Variants in GSE1 observed in about 807,000 individuals in gnomAD.
The protein encoded by GSE1 is Gse1 coiled-coil protein.
GSE1 carries 32 observed loss-of-function variants against 112.6 expected under a neutral mutation model. The ratio of observed to expected loss-of-function variants is 0.28; its 90% CI spans 0.21 to 0.38. The LOEUF (loss-of-function observed/expected upper bound fraction) is 0.38, where lower values mean the gene tolerates loss of function less well. GSE1 is among the 10% of genes least tolerant of loss of function. The pLI, the probability that GSE1 is intolerant of heterozygous loss-of-function variation, is 1.00. For missense variants in GSE1, 2,348 were observed against 1,699.2 expected, an observed-to-expected ratio of 1.38 and a Z score of -6.71; for synonymous variants, 1,115 against 735.6, an observed-to-expected ratio of 1.52 and a Z score of -8.35.
intron 2 of GSE1, among the ~76,000 whole-genome samples, chr16:85,420,460 G>A (rs906133596): frequency 1.2e-4 from 18 of 152,020 alleles, no homozygotes; most frequent in African/African-American, 1.7e-4. Context: ...CCTCCCCATC[G>A]CCATGTCTCC....
intron 3 of GSE1, among the ~76,000 whole-genome samples, chr16:85,652,380 C>T (rs189454715): frequency 3.7e-4 from 57 of 152,326 alleles, no homozygotes; most frequent in Non-Finnish European, 1.0e-4. Flanking sequence ...AGGAAGTTCC[C>T]GGCCCCACGC....
At chr16:85,646,848 GGAGCTGCTCTGGT>G (rs1460807804) in intron 2 of GSE1, among the ~76,000 whole-genome samples, 2 of 151,764 alleles carry the variant, frequency 1.3e-5, no homozygotes, top group African/African-American at 4.8e-5. Flanking sequence ...CAGCCTCTGG[GGAGCTGCTCTGGT>G]CTCGGTCACG....
chr16:85,626,962 G>T (rs2049121634), intron 1 of GSE1, among the ~76,000 whole-genome samples: 1 of 148,412 alleles, frequency 6.7e-6, no homozygotes, highest in Non-Finnish European at 1.5e-5. Flanking sequence ...CTAAGAACGA[G>T]ATGGGTTCCG....
At chr16:85,335,207 C>T (rs1311381942) in intron 1 of GSE1, among the ~76,000 whole-genome samples, 3 of 152,250 alleles carry the variant, frequency 2.0e-5, no homozygotes, top group Admixed American at 6.5e-5. Context: ...TCTCTCCCTA[C>T]ACCCATCCCG....
intron 2 of GSE1, among the ~76,000 whole-genome samples, chr16:85,418,327 C>G (rs747693331): frequency 2.0e-5 from 3 of 152,198 alleles, no homozygotes; most frequent in Non-Finnish European, 4.4e-5. Context: ...GGCATGGGAC[C>G]CCAGGGTCGC....
chr16:85,501,108 C>G (rs963255552), intron 2 of GSE1, among the ~76,000 whole-genome samples: 1 of 139,212 alleles, frequency 7.2e-6, no homozygotes, highest in Non-Finnish European at 1.5e-5. Flanking sequence ...GCACACCATT[C>G]TCCTGCCTCA....
chr16:85,289,187 C>G (rs1451021982), intron 1 of GSE1, among the ~76,000 whole-genome samples: 1 of 152,194 alleles, frequency 6.6e-6, no homozygotes, highest in East Asian at 1.9e-4. Context: ...TACAAACAGG[C>G]ATGACCTGCT....
At chr16:85,272,901 C>T (rs1363947795) in intron 1 of GSE1, among the ~76,000 whole-genome samples, 3 of 151,992 alleles carry the variant, frequency 2.0e-5, no homozygotes, top group East Asian at 1.9e-4. Flanking sequence ...CACAGCCTCC[C>T]GAGTAGCTGG....
chr16:85,209,454 T>C (rs998625360), intron 1 of GSE1, among the ~76,000 whole-genome samples: 1 of 152,160 alleles, frequency 6.6e-6, no homozygotes, highest in Non-Finnish European at 1.5e-5. Context: ...CTTGAAGTCT[T>C]CTGCATCTCT....
chr16:85,273,526 C>T (rs1299814030), intron 1 of GSE1, among the ~76,000 whole-genome samples: 2 of 150,546 alleles, frequency 1.3e-5, no homozygotes, highest in African/African-American at 4.9e-5. Context: ...ACCATGAAAA[C>T]GTGACGCTGA....
At chr16:85,667,876 T>C (rs545835322) in intron 13 of GSE1, among the ~76,000 whole-genome samples, 9 of 148,000 alleles carry the variant, frequency 6.1e-5, no homozygotes, top group Admixed American at 4.7e-4. Context: ...AAATGGAGTC[T>C]CAGAGATGAA....
intron 1 of GSE1, among the ~76,000 whole-genome samples, chr16:85,175,052 TTGTTCCC>T (rs2074433501): frequency 7.5e-5 from 2 of 26,626 alleles, no homozygotes; most frequent in South Asian, 2.7e-3. Flanking sequence ...GACTCCTCAG[TTGTTCCC>T]TATTGTTCCC....
rs374646695 is a variant in GSE1 at position 85,420,859 on chromosome 16, G to A, written c.2464+63216G>A. Among the ~76,000 whole-genome samples the A allele has an allele frequency of 7.2e-4, 109 of 152,274 alleles. No homozygotes were observed. In the South Asian group the frequency reaches 0.012, roughly 17 times the overall value. On this transcript the variant is annotated intron_variant, in intron 2 of 2. Coordinates refer to the GSE1 transcript ENST00000637419. ...GCAGCCTGGAGCTGCAGTGCCGCGGGCCTCCACACGGGGGCGCCCCTACCG... is the reference window on the plus strand; with the variant it reads ...GCAGCCTGGAGCTGCAGTGCCGCGGACCTCCACACGGGGGCGCCCCTACCG...
At position 85,672,510 on chromosome 16, in the gene GSE1, A is replaced by G. The variant is rs754549594; in HGVS notation, c.3625A>G (p.Arg1209Gly). 3.7e-6 allele frequency: 6 copies of G among 1,611,478 alleles called. No individual in the cohort carries two copies. The highest frequency in any genetic ancestry group is 3.4e-6 in the Non-Finnish European group (4 of 1,177,820). ...TGCCTTGCCTGCAATGCACTGGCCTAGGGGCTACCTGAAGGGATATCCCAG... is the reference window on the plus strand; with the variant it reads ...TGCCTTGCCTGCAATGCACTGGCCTGGGGGCTACCTGAAGGGATATCCCAG... ...CLALPAMHWPRGYLKGYPR is the reference protein window; with the variant it reads ...CLALPAMHWPGGYLKGYPR Residue 1209 changes from arginine to glycine, a missense_variant, in exon 16 of 16, where the codon AGG (arginine) becomes GGG (glycine). Coordinates refer to ENST00000253458, the MANE Select transcript of GSE1 (RefSeq NM_014615.5).
chr16:85,654,246 T>C, intron 3 of GSE1, 32 bp from the exon 4 acceptor site: 1 of 1,562,548 alleles, frequency 6.4e-7, no homozygotes, highest in Non-Finnish European at 8.7e-7. Context: ...TATACCAGGC[T>C]CCTGCCCTGA....
At position 85,305,292 on chromosome 16, in the gene GSE1, G is replaced by T. The variant is rs532205055; in HGVS notation, c.2284-52171G>T. The stretch of plus-strand genomic sequence containing the variant: ...CCCTGGGCATCAGGATGATGATGAT[G>T]ATTATTATTATTTGGAGGTGGGGTC... On this transcript the variant is annotated intron_variant, in intron 1 of 2. Transcript: ENST00000637419. Among the ~76,000 whole-genome samples, 227 of 152,252 alleles carry T rather than the reference G, an allele frequency of 1.5e-3. 1 individual carries two copies. The highest frequency in any genetic ancestry group is 2.9e-3 in the South Asian group (14 of 4,820).
chr16:85,257,349 G>A (rs1416702406), intron 1 of GSE1, among the ~76,000 whole-genome samples: 3 of 152,152 alleles, frequency 2.0e-5, no homozygotes, highest in African/African-American at 7.2e-5. Flanking sequence ...AACCTCAGGT[G>A]ATCCTCCTGC....
chr16:85,192,673 G>T (rs928562047), intron 1 of GSE1, among the ~76,000 whole-genome samples: 4 of 152,322 alleles, frequency 2.6e-5, no homozygotes, highest in Non-Finnish European at 4.4e-5. Context: ...GCACTGGGGA[G>T]CCTGGAGGCC....
chr16:85,591,292 TTAACTC>T lies in GSE1; in HGVS notation c.37+34932_37+34937del, dbSNP rs957542173. Among the ~76,000 whole-genome samples, 43 of 152,304 alleles carry T rather than the reference TTAACTC, an allele frequency of 2.8e-4. No individual in the cohort carries two copies. In the East Asian group the frequency reaches 5.6e-3, roughly 20 times the overall value. ...TGGAGGTACCCAGGAGTTTAATTGT[TTAACTC>T]TAGTTTCCCCTCCAGTTGCTACCCT... On this transcript the variant is annotated intron_variant, in intron 1 of 2. Transcript: ENST00000635906.
Sources: allele counts gnomAD v4.1 joint callset (sites outside exome capture counted in the v4.1 genomes callset), GRCh38; gene constraint gnomAD v4.1.1; transcripts MANE v1.5; gene names NCBI Gene and HGNC (gene_info 2026-07-23, HGNC 2026-07-21).